IQCM: variants seen among roughly 807,000 people sequenced by gnomAD.
IQCM encodes IQ motif containing M.
In IQCM, 45 loss-of-function variants were observed where a neutral mutation model predicts 57.6. The ratio of observed to expected loss-of-function variants is 0.78; its 90% CI spans 0.62 to 1.00. The LOEUF is 1.00. Ranked by LOEUF, IQCM falls within the 50% of genes least tolerant of loss-of-function variation. The pLI is 0.00. For missense variants in IQCM, 468 were observed against 511.6 expected, an observed-to-expected ratio of 0.91 and a Z score of 0.82; for synonymous variants, 148 against 158.9, an observed-to-expected ratio of 0.93 and a Z score of 0.51.
chr4:149,623,571 G>C (rs943638614), intron 7 of IQCM, among the ~76,000 whole-genome samples: 1 of 152,184 alleles, frequency 6.6e-6, no homozygotes, highest in African/African-American at 2.4e-5. Flanking sequence ...ACAAATTCCA[G>C]TTTATTCCAC....
At chr4:149,472,899 C>A (rs1739741288) in intron 12 of IQCM, among the ~76,000 whole-genome samples, 1 of 152,098 alleles carries the variant, frequency 6.6e-6, no homozygotes, top group African/African-American at 2.4e-5. Context: ...AAAAATGGTG[C>A]TGGGAAAACT....
At chr4:149,621,318 T>G (rs1756314425) in intron 7 of IQCM, 74 bp from the exon 8 acceptor site, 1 of 591,080 alleles carries the variant, frequency 1.7e-6, no homozygotes, top group Admixed American at 4.4e-5. Context: ...TTGCTTAATG[T>G]TGCAAAGAGT....
chr4:149,450,371 T>A (rs1736979010), intron 12 of IQCM, among the ~76,000 whole-genome samples: 1 of 151,542 alleles, frequency 6.6e-6, no homozygotes, highest in Admixed American at 6.6e-5. Context: ...TGGAATCAGA[T>A]CAAGTTAAAA....
intron 9 of IQCM, among the ~76,000 whole-genome samples, chr4:149,565,675 GCTGCAAT>G (rs1750556627): frequency 6.6e-6 from 1 of 152,112 alleles, no homozygotes; most frequent in Non-Finnish European, 1.5e-5. Context: ...CTCCCAAGTA[GCTGCAAT>G]GAACCAGTGA....
intron 10 of IQCM, among the ~76,000 whole-genome samples, chr4:149,554,315 T>A (rs1749326077): frequency 6.6e-6 from 1 of 152,192 alleles, no homozygotes; most frequent in Non-Finnish European, 1.5e-5. Flanking sequence ...TTAATTGTAC[T>A]CTACATTCCT....
intron 13 of IQCM, among the ~76,000 whole-genome samples, chr4:149,387,768 T>C (rs1004684851): frequency 2.0e-5 from 3 of 151,998 alleles, no homozygotes; most frequent in Non-Finnish European, 2.9e-5. Flanking sequence ...GTGCAATCTA[T>C]CATCATAGTA....
chr4:149,384,633 C>T (rs1038825662), intron 13 of IQCM, among the ~76,000 whole-genome samples: 2 of 152,040 alleles, frequency 1.3e-5, no homozygotes, highest in African/African-American at 4.8e-5. Context: ...ATTTATAAGC[C>T]CCTGGGTCTA....
chr4:149,451,724 A>C (rs1560856081), intron 12 of IQCM, among the ~76,000 whole-genome samples: 1 of 151,918 alleles, frequency 6.6e-6, no homozygotes, highest in Non-Finnish European at 1.5e-5. Context: ...TCAGCGGTGT[A>C]CAGAGGGGCA....
intron 7 of IQCM, among the ~76,000 whole-genome samples, chr4:149,632,242 G>A (rs1404729399): frequency 2.0e-5 from 3 of 152,120 alleles, no homozygotes; most frequent in Non-Finnish European, 2.9e-5. Flanking sequence ...AGACCTGAAC[G>A]TTTGGCTTTC....
intron 7 of IQCM, among the ~76,000 whole-genome samples, chr4:149,661,219 C>T (rs1760175110): frequency 6.6e-6 from 1 of 151,974 alleles, no homozygotes; most frequent in African/African-American, 2.4e-5. Flanking sequence ...AATTATCATA[C>T]AGTTTTTGTT....
intron 12 of IQCM, among the ~76,000 whole-genome samples, chr4:149,513,848 T>C (rs1744673292): frequency 6.6e-6 from 1 of 152,086 alleles, no homozygotes; most frequent in Non-Finnish European, 1.5e-5. Flanking sequence ...AAAGAAATAA[T>C]GCTAAAATAA....
intron 12 of IQCM, among the ~76,000 whole-genome samples, chr4:149,546,963 T>G (rs1034449684): frequency 2.0e-5 from 3 of 152,152 alleles, no homozygotes; most frequent in African/African-American, 4.8e-5. Context: ...GGTCTAACAT[T>G]TAAGTCTTTA....
chr4:149,801,784 T>C (rs1241264385), intron 2 of IQCM, among the ~76,000 whole-genome samples: 1 of 151,900 alleles, frequency 6.6e-6, no homozygotes, highest in Non-Finnish European at 1.5e-5. Flanking sequence ...GGATGATTAA[T>C]GGGTACCAAA....
chr4:149,365,685 C>T (rs549021519), intron 13 of IQCM, among the ~76,000 whole-genome samples: 186 of 152,146 alleles, frequency 1.2e-3, no homozygotes, highest in Non-Finnish European at 2.2e-3. Flanking sequence ...GACACTTCAC[C>T]TCTGTGATAT....
intron 12 of IQCM, among the ~76,000 whole-genome samples, chr4:149,503,153 C>T (rs1263425441): frequency 2.0e-5 from 3 of 152,058 alleles, no homozygotes; most frequent in East Asian, 3.9e-4. Flanking sequence ...CCCAGAAGTT[C>T]GAGGTTACAG....
intron 6 of IQCM, among the ~76,000 whole-genome samples, chr4:149,684,148 C>A (rs537883104): frequency 6.6e-6 from 1 of 151,370 alleles, no homozygotes; most frequent in Non-Finnish European, 1.5e-5. Context: ...TATCTATCAT[C>A]ATCATAAAGA....
At chr4:149,814,538 A>T (rs933114340) in intron 2 of IQCM, among the ~76,000 whole-genome samples, 16 of 152,016 alleles carry the variant, frequency 1.1e-4, no homozygotes, top group African/African-American at 3.9e-4. Flanking sequence ...TTCCAAAAAA[A>T]ATAGACTGTA....
intron 12 of IQCM, among the ~76,000 whole-genome samples, chr4:149,520,626 T>C (rs1745537150): frequency 6.6e-6 from 1 of 152,122 alleles, no homozygotes; most frequent in African/African-American, 2.4e-5. Flanking sequence ...ATATACCAGG[T>C]GTTTTTTTCC....
chr4:149,814,903 G>A (rs1774909789), intron 2 of IQCM, among the ~76,000 whole-genome samples: 1 of 151,906 alleles, frequency 6.6e-6, no homozygotes. Context: ...TCTTTAAAGA[G>A]ATTAAATATG....
Sources: allele counts gnomAD v4.1 joint callset (sites outside exome capture counted in the v4.1 genomes callset), GRCh38; gene constraint gnomAD v4.1.1; transcripts MANE v1.5; gene names NCBI Gene and HGNC (gene_info 2026-07-23, HGNC 2026-07-21).